Variants in MSRA observed in about 807,000 individuals in gnomAD.
The protein encoded by MSRA is mitochondrial peptide methionine sulfoxide reductase.
In MSRA, 54 loss-of-function variants were observed where a neutral mutation model predicts 31.3. The ratio of observed to expected loss-of-function variants is 1.73; its 90% CI spans 1.39 to 2.17. MSRA has a LOEUF of 2.17. Among genes scored for constraint, MSRA ranks in the 30% most tolerant of loss-of-function variants. The pLI is 0.00. For synonymous variants in MSRA, 169 were observed against 116.5 expected (o/e 1.45, Z -2.90); for missense variants, 507 against 300.9 (o/e 1.69, Z -5.07).
At chr8:10,242,343 A>G (rs932092762) in intron 2 of MSRA, among the ~76,000 whole-genome samples, 1 of 152,146 alleles carries the variant, frequency 6.6e-6, no homozygotes, top group South Asian at 2.1e-4. Flanking sequence ...AGGGGTGGAC[A>G]CTTAGATGAT....
At chr8:10,148,129 C>G (rs73664927) in intron 1 of MSRA, among the ~76,000 whole-genome samples, 1 of 152,036 alleles carries the variant, frequency 6.6e-6, no homozygotes, top group Non-Finnish European at 1.5e-5. Context: ...GCTCTGCAGC[C>G]GGAAAGGAGA....
At chr8:10,318,494 G>A (rs1417736583) in intron 4 of MSRA, among the ~76,000 whole-genome samples, 4 of 152,156 alleles carry the variant, frequency 2.6e-5, no homozygotes. Flanking sequence ...TTCTGCTGGA[G>A]AGAACATATT....
Position 10,182,416 on chromosome 8 carries a change from C to T in MSRA, c.143-25417C>T, listed in dbSNP as rs564884074. On this transcript the variant is annotated intron_variant, in intron 1 of 5. Coordinates refer to ENST00000317173, the MANE Select transcript of MSRA (RefSeq NM_012331.5). ...GTGGGTCAGGAATCCGGACACAGCT[C>T]AGCTGGGTCCTCTACTTCAGAGTCT... is the stretch of plus-strand genomic sequence containing the variant. Among the ~76,000 whole-genome samples, 256 of 152,282 alleles carry T rather than the reference C, an allele frequency of 1.7e-3. 10 individuals carry two copies. The South Asian group carries it at 0.049, about 29-fold the overall frequency.
chr8:10,154,788 C>T (rs1021961931), intron 1 of MSRA, among the ~76,000 whole-genome samples: 1 of 151,736 alleles, frequency 6.6e-6, no homozygotes, highest in Admixed American at 6.6e-5. Flanking sequence ...GTATGAAGAT[C>T]ATTTAAAGAA....
At chr8:10,374,372 C>A (rs974163600) in intron 5 of MSRA, among the ~76,000 whole-genome samples, 2 of 152,060 alleles carry the variant, frequency 1.3e-5, no homozygotes, top group African/African-American at 4.8e-5. Flanking sequence ...TGGTGCTGTA[C>A]GGGAGAGGTG....
At chr8:10,398,692 G>A (rs1050662198) in intron 5 of MSRA, among the ~76,000 whole-genome samples, 3 of 152,236 alleles carry the variant, frequency 2.0e-5, no homozygotes, top group East Asian at 1.9e-4. Flanking sequence ...CCTTCTTCTG[G>A]AAGCTGAAAG....
chr8:10,356,945 A>G (rs1487722380), intron 5 of MSRA, among the ~76,000 whole-genome samples: 1 of 150,334 alleles, frequency 6.7e-6, no homozygotes, highest in Non-Finnish European at 1.5e-5. Context: ...TAAAACACGC[A>G]GCTTGCCCTC....
At chr8:10,180,124 G>C (rs1203033749) in intron 1 of MSRA, among the ~76,000 whole-genome samples, 1 of 152,202 alleles carries the variant, frequency 6.6e-6, no homozygotes, top group East Asian at 1.9e-4. Context: ...CAAGTCCCCA[G>C]GTTGTCACCT....
chr8:10,405,426 A>G (rs1476133246), intron 5 of MSRA, among the ~76,000 whole-genome samples: 1 of 152,200 alleles, frequency 6.6e-6, no homozygotes, highest in African/African-American at 2.4e-5. Flanking sequence ...CTGCTGTTCC[A>G]TCATGGCAGA....
At chr8:10,059,525 A>T (rs1468134572) in intron 1 of MSRA, among the ~76,000 whole-genome samples, 2 of 152,224 alleles carry the variant, frequency 1.3e-5, no homozygotes, top group Non-Finnish European at 2.9e-5. Flanking sequence ...ATGAAACAGT[A>T]TGAGAACAGA....
chr8:10,139,829 G>A (rs1025307943), intron 1 of MSRA, among the ~76,000 whole-genome samples: 3 of 152,204 alleles, frequency 2.0e-5, no homozygotes, highest in Non-Finnish European at 4.4e-5. Context: ...TGGCACAGGT[G>A]TTGCTGAAAG....
chr8:10,318,625 G>T (rs982081821), intron 4 of MSRA, among the ~76,000 whole-genome samples: 1 of 152,168 alleles, frequency 6.6e-6, no homozygotes, highest in Non-Finnish European at 1.5e-5. Context: ...TATAAAGCCT[G>T]TTTAGATCAA....
chr8:10,292,476 A>G (rs757497152), intron 3 of MSRA, among the ~76,000 whole-genome samples: 2 of 152,196 alleles, frequency 1.3e-5, no homozygotes, highest in Non-Finnish European at 2.9e-5. Context: ...TGTGGAAGGA[A>G]ACACCACTTT....
intron 1 of MSRA, among the ~76,000 whole-genome samples, chr8:10,093,740 T>A (rs1798975174): frequency 6.6e-6 from 1 of 152,262 alleles, no homozygotes; most frequent in African/African-American, 2.4e-5. Context: ...TGATTTGATT[T>A]ACTGTCTAGT....
intron 5 of MSRA, among the ~76,000 whole-genome samples, chr8:10,379,303 C>G (rs1193469436): frequency 9.3e-5 from 14 of 150,748 alleles, no homozygotes; most frequent in Admixed American, 9.2e-4. Flanking sequence ...GATTGCTTAA[C>G]GAAGAAAAAA....
intron 5 of MSRA, 170 bp downstream of exon 5, chr8:10,320,159 G>A (rs1362087210): frequency 2.1e-6 from 1 of 484,640 alleles, no homozygotes; most frequent in Non-Finnish European, 3.7e-6. Context: ...TAATACGTGT[G>A]CTAAATGAGG....
intron 1 of MSRA, among the ~76,000 whole-genome samples, chr8:10,098,307 G>A (rs1218355579): frequency 6.6e-6 from 1 of 152,066 alleles, no homozygotes; most frequent in Non-Finnish European, 1.5e-5. Context: ...AGGCAGAAAT[G>A]CGTTAATATT....
chr8:10,325,849 T>C (rs1285908140), intron 5 of MSRA, among the ~76,000 whole-genome samples: 2 of 152,232 alleles, frequency 1.3e-5, no homozygotes, highest in African/African-American at 4.8e-5. Flanking sequence ...CTGTGTTTTA[T>C]ATCTAGGGTA....
At chr8:10,074,680 A>T (rs1311112157) in intron 1 of MSRA, among the ~76,000 whole-genome samples, 2 of 151,232 alleles carry the variant, frequency 1.3e-5, no homozygotes, top group Non-Finnish European at 2.9e-5. Context: ...CTTTTTTTTG[A>T]CACAGTCTTG....
Sources: gnomAD v4.1 joint callset for allele counts (sites outside exome capture counted in the v4.1 genomes callset) on GRCh38, gnomAD v4.1.1 for gene constraint, MANE v1.5 for transcripts, NCBI Gene and HGNC (gene_info 2026-07-23, HGNC 2026-07-21) for gene names.